DACH2: variants seen among roughly 807,000 people sequenced by gnomAD.
The protein encoded by DACH2 is dachshund homolog 2.
DACH2 carries 17 observed loss-of-function variants against 35.8 expected under a neutral mutation model. That is an observed-to-expected ratio of 0.48 (90% CI 0.33 to 0.71). The LOEUF (loss-of-function observed/expected upper bound fraction) is 0.71, where lower values mean the gene tolerates loss of function less well. Ranked by LOEUF, DACH2 falls within the 30% of genes least tolerant of loss-of-function variation. The probability of loss-of-function intolerance (pLI) is 0.02; values close to 1 mark genes in which losing one functional copy is unlikely to be tolerated. For synonymous variants in DACH2, 195 were observed against 177.3 expected, an observed-to-expected ratio of 1.10 and a Z score of -0.79; for missense variants, 469 against 472.7, an observed-to-expected ratio of 0.99 and a Z score of 0.07.
intron 2 of DACH2, among the ~76,000 whole-genome samples, chrX:86,493,875 A>G (rs757923955): frequency 6.2e-5 from 7 of 112,248 alleles, no homozygotes; most frequent in African/African-American, 1.9e-4. Flanking sequence ...CAGTTTCATC[A>G]ATTGCTAGAG....
chrX:86,766,882 A>G (rs2041940550), intron 7 of DACH2, among the ~76,000 whole-genome samples: 2 of 111,230 alleles, frequency 1.8e-5, no homozygotes, highest in African/African-American at 6.5e-5. Flanking sequence ...ACAGAGTCTT[A>G]CTTATATCCT....
intron 1 of DACH2, among the ~76,000 whole-genome samples, chrX:86,196,692 CAAAAAAAAAAAAAAA>C (rs56268300): frequency 4.0e-4 from 11 of 27,372 alleles, no homozygotes; most frequent in African/African-American, 8.5e-4. Flanking sequence ...GACTCCATCT[CAAAAAAAAAAAAAAA>C]AAAAAAAAAA....
intron 2 of DACH2, among the ~76,000 whole-genome samples, chrX:86,432,700 G>T (rs1046775633): frequency 1.2e-4 from 13 of 111,979 alleles, no homozygotes; most frequent in Non-Finnish European, 3.8e-5. Context: ...CTTGACTCCA[G>T]CCTGTGGATT....
chrX:86,297,039 T>TTG (rs1457949698), intron 1 of DACH2, among the ~76,000 whole-genome samples: 42 of 41,782 alleles, frequency 1.0e-3, no homozygotes, highest in South Asian at 5.3e-3. Context: ...ATAAATATAA[T>TTG]TGTGTATATA....
At chrX:86,186,103 G>T (rs1003820862) in intron 1 of DACH2, among the ~76,000 whole-genome samples, 2 of 112,558 alleles carry the variant, frequency 1.8e-5, no homozygotes, top group Non-Finnish European at 3.8e-5. Context: ...CCAAACTGAT[G>T]CTCTTTCTAC....
intron 1 of DACH2, among the ~76,000 whole-genome samples, chrX:86,273,608 C>A (rs748371241): frequency 1.2e-3 from 139 of 112,010 alleles, no homozygotes; most frequent in Non-Finnish European, 2.2e-3. Context: ...TTTCAGCATA[C>A]ACCATCTACA....
At chrX:86,689,371 C>T (rs768687185) in intron 4 of DACH2, among the ~76,000 whole-genome samples, 2 of 111,413 alleles carry the variant, frequency 1.8e-5, no homozygotes, top group Non-Finnish European at 3.8e-5. Flanking sequence ...CTTTACAATA[C>T]ACTAAACCCT....
At chrX:86,773,729 G>T (rs1344233738) in intron 7 of DACH2, among the ~76,000 whole-genome samples, 3 of 111,561 alleles carry the variant, frequency 2.7e-5, no homozygotes, top group East Asian at 5.6e-4. Context: ...AAAAGGCAAT[G>T]AAATGCATTG....
At chrX:86,541,174 C>T (rs2038875437) in intron 3 of DACH2, among the ~76,000 whole-genome samples, 1 of 112,131 alleles carries the variant, frequency 8.9e-6, no homozygotes, top group East Asian at 2.8e-4. Flanking sequence ...GTTCTCATTT[C>T]TATTCTATTG....
intron 1 of DACH2, among the ~76,000 whole-genome samples, chrX:86,193,241 A>G (rs762232203): frequency 1.3e-4 from 15 of 111,886 alleles, no homozygotes; most frequent in African/African-American, 4.5e-4. Flanking sequence ...AGTAGGTGTA[A>G]GGAAAATTTT....
chrX:86,729,839 G>A (rs757679064), intron 6 of DACH2, among the ~76,000 whole-genome samples: 19 of 111,188 alleles, frequency 1.7e-4, no homozygotes, highest in Non-Finnish European at 3.4e-4. Context: ...ATGAGTAAAT[G>A]CTTCTTGAGG....
chrX:86,443,438 CT>C (rs1219538593), intron 2 of DACH2, among the ~76,000 whole-genome samples: 1 of 110,602 alleles, frequency 9.0e-6, no homozygotes, highest in Non-Finnish European at 1.9e-5. Context: ...CTTGGGTTTC[CT>C]ACATATAAGA....
At chrX:86,329,796 A>G (rs766618448) in intron 1 of DACH2, among the ~76,000 whole-genome samples, 1 of 111,610 alleles carries the variant, frequency 9.0e-6, no homozygotes, top group Non-Finnish European at 1.9e-5. Flanking sequence ...TGGGATTTGG[A>G]GTTCCATTAG....
intron 7 of DACH2, among the ~76,000 whole-genome samples, chrX:86,749,636 A>G (rs775057277): frequency 1.8e-5 from 2 of 111,278 alleles, no homozygotes; most frequent in Non-Finnish European, 3.8e-5. Context: ...GTGATATAAT[A>G]ATAATTAAAA....
At chrX:86,796,784 A>G (rs2043181741) in intron 7 of DACH2, among the ~76,000 whole-genome samples, 2 of 111,837 alleles carry the variant, frequency 1.8e-5, no homozygotes, top group Non-Finnish European at 3.8e-5. Context: ...TGTTTCCCCT[A>G]AAGAAGTATC....
chrX:86,500,311 G>T (rs930806470), intron 2 of DACH2, among the ~76,000 whole-genome samples: 1 of 111,311 alleles, frequency 9.0e-6, no homozygotes, highest in South Asian at 3.8e-4. Flanking sequence ...GTGCATTTCA[G>T]GGGACAAGAA....
chrX:86,767,111 G>A (rs2035954059), intron 7 of DACH2, among the ~76,000 whole-genome samples: 1 of 111,572 alleles, frequency 9.0e-6, no homozygotes. Flanking sequence ...AATGATTCAC[G>A]GCAGTGAACA....
At chrX:86,230,977 A>G (rs920239617) in intron 1 of DACH2, among the ~76,000 whole-genome samples, 4 of 111,969 alleles carry the variant, frequency 3.6e-5, no homozygotes, top group South Asian at 3.7e-4. Context: ...AAAAATTTCA[A>G]TTTGTTTAGT....
chrX:86,277,858 G>A (rs2033947230), intron 1 of DACH2, among the ~76,000 whole-genome samples: 1 of 106,137 alleles, frequency 9.4e-6, no homozygotes, highest in Admixed American at 1.1e-4. Context: ...AGGTGAAACA[G>A]CCAATAAGTG....
Sources: allele counts gnomAD v4.1 joint callset (sites outside exome capture counted in the v4.1 genomes callset), GRCh38; gene constraint gnomAD v4.1.1; transcripts MANE v1.5; gene names NCBI Gene and HGNC (gene_info 2026-07-23, HGNC 2026-07-21).